The following B3GLCT variants were observed in gnomAD, a reference collection of about 807,000 sequenced individuals.
The protein encoded by B3GLCT is beta-1,3-glucosyltransferase.
A neutral mutation model predicts 63.4 loss-of-function variants in B3GLCT; 65 were observed. The ratio of observed to expected loss-of-function variants is 1.03; its 90% CI spans 0.84 to 1.26. The LOEUF (loss-of-function observed/expected upper bound fraction) is 1.26, where lower values mean the gene tolerates loss of function less well. B3GLCT is among the 50% of genes most tolerant of loss of function. The pLI, the probability that B3GLCT is intolerant of heterozygous loss-of-function variation, is 0.00. For synonymous variants in B3GLCT, 233 were observed against 219.2 expected, an observed-to-expected ratio of 1.06 and a Z score of -0.55; for missense variants, 577 against 604.8, an observed-to-expected ratio of 0.95 and a Z score of 0.48.
At position 31,257,282 on chromosome 13, in the gene B3GLCT, A is replaced by G. The variant is rs181137416; in HGVS notation, c.460-3664A>G. 1.2e-3 allele frequency among the ~76,000 whole-genome samples: 181 copies of G among 152,264 alleles called. 1 individual carries two copies. Among genetic ancestry groups the G allele is most frequent in the African/African-American group, 4.2e-3 (175 of 41,582 alleles). On this transcript the variant is annotated intron_variant, in intron 6 of 14. Coordinates refer to ENST00000343307, the MANE Select transcript of B3GLCT (RefSeq NM_194318.4). Reference sequence around the variant, plus strand: ...ATACTGAGATGTTTATTTTCTTTATACAAGCTATATTGGCATGGTATGTAA... The same window carrying G: ...ATACTGAGATGTTTATTTTCTTTATGCAAGCTATATTGGCATGGTATGTAA...
chr13:31,331,884 A>G lies in B3GLCT; in HGVS notation c.*2216A>G, dbSNP rs1318068169. 6.6e-6 allele frequency: 1 copy of G among 152,178 alleles called. No individual in the cohort carries two copies. The highest frequency in any genetic ancestry group is 2.4e-5 in the African/African-American group (1 of 41,438). The allele number at this position is 152,178 out of a possible 1,614,324, so 9.4% of individuals were successfully genotyped here. A position where few individuals can be genotyped will look rare whatever the true frequency, so the allele number is the denominator to read the frequency against. ...CCTTCCAAATGGCTATTTTTAGGCT[A>G]GGGATGTTAACATCAGGGATTTGTG... is the stretch of plus-strand genomic sequence containing the variant. On this transcript the variant is annotated 3_prime_UTR_variant, in exon 15 of 15. Transcript: ENST00000343307.
chr13:31,264,384 G>A (rs1009273197), intron 7 of B3GLCT, among the ~76,000 whole-genome samples: 8 of 152,042 alleles, frequency 5.3e-5, no homozygotes, highest in Non-Finnish European at 7.3e-5. Flanking sequence ...TCATCTGCTC[G>A]TCACAACGCT....
chr13:31,312,124 A>G (rs1158014499), intron 12 of B3GLCT, among the ~76,000 whole-genome samples: 1 of 152,220 alleles, frequency 6.6e-6, no homozygotes, highest in Non-Finnish European at 1.5e-5. Flanking sequence ...CAAGACTGTC[A>G]GTTAAGATGG....
intron 4 of B3GLCT, 53 bp downstream of exon 4, chr13:31,229,347 G>T: frequency 9.2e-7 from 1 of 1,083,956 alleles, no homozygotes; most frequent in South Asian, 1.2e-5. Flanking sequence ...TGATTACCTT[G>T]ATGTTTTCCA....
chr13:31,255,743 C>A (rs976646811), intron 6 of B3GLCT, among the ~76,000 whole-genome samples: 3 of 152,126 alleles, frequency 2.0e-5, no homozygotes, highest in Non-Finnish European at 2.9e-5. Flanking sequence ...ACTGGCTGGG[C>A]ATATGCAGAA....
Position 31,226,236 on chromosome 13 carries a change from C to T in B3GLCT, c.161-2949C>T, listed in dbSNP as rs150438642. ...TGTGTTACAATGGCCTGCCTATGAA[C>T]GAGGCTCAGACACTCCAGGGCTGCG... is the stretch of plus-strand genomic sequence containing the variant. On this transcript the variant is annotated intron_variant, in intron 3 of 14. Transcript: ENST00000343307. 6.5e-3 allele frequency among the ~76,000 whole-genome samples: 988 copies of T among 152,318 alleles called. 7 individuals are homozygous for T. The highest frequency in any genetic ancestry group is 0.01 in the Non-Finnish European group (701 of 68,026).
At chr13:31,295,153 C>G (rs1420439108) in intron 12 of B3GLCT, among the ~76,000 whole-genome samples, 1 of 152,216 alleles carries the variant, frequency 6.6e-6, no homozygotes, top group African/African-American at 2.4e-5. Context: ...GGCTGCAGAA[C>G]AGCAAAGATT....
rs2137808522 is a variant in B3GLCT at position 31,248,993 on chromosome 13, T to G, written c.459+1027T>G. 2.0e-5 allele frequency among the ~76,000 whole-genome samples: 3 copies of G among 152,298 alleles called. No homozygotes were observed. The Middle Eastern group carries it at 0.01, about 518-fold the overall frequency. ...GTTACAACCTGATCACTTTTTGGAA[T>G]TCTTTAAACTTGAGATAAGCAGAGA... On this transcript the variant is annotated intron_variant, in intron 6 of 14. Transcript: ENST00000343307.
chr13:31,291,693 T>C (rs142111432), intron 12 of B3GLCT, among the ~76,000 whole-genome samples: 2,941 of 152,348 alleles, frequency 0.019, 50 homozygotes, highest in Middle Eastern at 0.061. Context: ...CTGAAGTTGC[T>C]TATCAGCTTA....
At chr13:31,261,105 T>C (rs1373898061) in intron 7 of B3GLCT, 23 bp downstream of exon 7, 13 of 1,579,422 alleles carry the variant, frequency 8.2e-6, no homozygotes, top group African/African-American at 1.4e-5. Flanking sequence ...TGGAATTTTT[T>C]CGGGGGGCGG....
chr13:31,270,796 A>G (rs1593287648), intron 8 of B3GLCT, among the ~76,000 whole-genome samples: 1 of 152,234 alleles, frequency 6.6e-6, no homozygotes, highest in African/African-American at 2.4e-5. Flanking sequence ...AAAATTGTAT[A>G]CAAATGCTGC....
chr13:31,295,881 A>T (rs1054445410), intron 12 of B3GLCT, among the ~76,000 whole-genome samples: 1 of 152,122 alleles, frequency 6.6e-6, no homozygotes, highest in African/African-American at 2.4e-5. Flanking sequence ...TCCTGCAGCT[A>T]TCTCAATGTC....
chr13:31,321,009 T>C (rs1226388907), intron 13 of B3GLCT, among the ~76,000 whole-genome samples: 1 of 152,274 alleles, frequency 6.6e-6, no homozygotes, highest in African/African-American at 2.4e-5. Flanking sequence ...TATCATTTAA[T>C]TGCCTATTTA....
At chr13:31,262,889 A>G (rs955952419) in intron 7 of B3GLCT, among the ~76,000 whole-genome samples, 3 of 152,192 alleles carry the variant, frequency 2.0e-5, no homozygotes, top group Non-Finnish European at 4.4e-5. Flanking sequence ...GAGAAGTCCC[A>G]CGTGGCTGTG....
chr13:31,248,640 A>G (rs1353934793), intron 6 of B3GLCT, among the ~76,000 whole-genome samples: 3 of 152,206 alleles, frequency 2.0e-5, no homozygotes, highest in African/African-American at 7.2e-5. Context: ...GATTTGAGAA[A>G]GAATGGGGGT....
intron 1 of B3GLCT, among the ~76,000 whole-genome samples, chr13:31,206,891 T>C (rs1200358615): frequency 6.6e-6 from 1 of 152,212 alleles, no homozygotes; most frequent in East Asian, 1.9e-4. Context: ...ACTAAAACTA[T>C]GAAGTCTGTC....
chr13:31,265,709 A>G (rs1008703633), intron 7 of B3GLCT, among the ~76,000 whole-genome samples: 1 of 152,360 alleles, frequency 6.6e-6, no homozygotes, highest in South Asian at 2.1e-4. Flanking sequence ...CTTCAAATAT[A>G]TGTCATTCCA....
intron 6 of B3GLCT, among the ~76,000 whole-genome samples, chr13:31,252,820 A>T (rs1871498536): frequency 6.6e-6 from 1 of 152,172 alleles, no homozygotes; most frequent in Non-Finnish European, 1.5e-5. Context: ...GAAAATTAAC[A>T]AGGATATCCA....
chr13:31,208,627 C>T lies in B3GLCT; in HGVS notation c.71-6424C>T, dbSNP rs1036781137. On this transcript the variant is annotated intron_variant, in intron 1 of 14. Coordinates refer to ENST00000343307, the MANE Select transcript of B3GLCT (RefSeq NM_194318.4). ...CTTCTGCTTCTTTAGTGGCCCCCCCCCCCCGCTCACTGCCACCTTCATTGA... is the reference window on the plus strand; with the variant it reads ...CTTCTGCTTCTTTAGTGGCCCCCCCTCCCCGCTCACTGCCACCTTCATTGA... Among the ~76,000 whole-genome samples, 5 of 133,182 alleles carry T rather than the reference C, an allele frequency of 3.8e-5. 1 individual carries two copies. Among genetic ancestry groups the T allele is most frequent in the South Asian group, 5.5e-4 (2 of 3,652 alleles). 87.4% of individuals were successfully genotyped at this position (133,182 alleles called of 152,430 possible).
Sources: gnomAD v4.1 joint callset for allele counts (sites outside exome capture counted in the v4.1 genomes callset) on GRCh38, gnomAD v4.1.1 for gene constraint, MANE v1.5 for transcripts, NCBI Gene and HGNC (gene_info 2026-07-23, HGNC 2026-07-21) for gene names.